The following PPFIA4 variants were observed in gnomAD, a reference collection of about 807,000 sequenced individuals.
PPFIA4 encodes PPFI scaffold protein A4.
A neutral mutation model predicts 145.7 loss-of-function variants in PPFIA4; 98 were observed. The ratio of observed to expected loss-of-function variants is 0.67; its 90% CI spans 0.57 to 0.80. The LOEUF (loss-of-function observed/expected upper bound fraction) is 0.80, where lower values mean the gene tolerates loss of function less well. PPFIA4 is among the 30% of genes least tolerant of loss of function. PPFIA4 has a pLI of 0.00. For synonymous variants in PPFIA4, 628 were observed against 649.6 expected (o/e 0.97, Z 0.51); for missense variants, 1,457 against 1,632.7 (o/e 0.89, Z 1.85).
chr1:203,045,901 G>C lies in PPFIA4; in HGVS notation c.919G>C (p.Ala307Pro). ...RITTLEKRYL[A>P]AQREATSIHD... ...TACTACACTGGAGAAGCGCTACCTG[G>C]CTGCTCAGCGTGAGGCAACATCCAT... is the stretch of plus-strand genomic sequence containing the variant. Residue 307 changes from alanine to proline, a missense_variant, in exon 8 of 30, where the codon GCT becomes CCT. Ala to Pro is a conservative substitution (Grantham distance 27, BLOSUM62 -1). Around this residue, in one of 3 missense-constraint regions of PPFIA4, gnomAD observed 463 missense variants for 459.8 expected, o/e 1.01. Coordinates refer to ENST00000295706, the MANE Select transcript of PPFIA4 (RefSeq NM_001304331.2). The C allele has an allele frequency of 6.2e-7, 1 of 1,612,826 alleles. No individual in the cohort carries two copies.
chr1:203,077,689 C>T lies in PPFIA4; in HGVS notation c.*1299C>T, dbSNP rs1467834611. Reference sequence around the variant, plus strand: ...CCATTTTCATTGCTTTCCCCAGCAGCATGATGGGAACCCAAGCTGAGGGAT... The same window carrying T: ...CCATTTTCATTGCTTTCCCCAGCAGTATGATGGGAACCCAAGCTGAGGGAT... On this transcript the variant is annotated 3_prime_UTR_variant, in exon 30 of 30. Transcript: ENST00000295706. 1 of 152,212 alleles carries T rather than the reference C, an allele frequency of 6.6e-6. No homozygotes were observed. Among genetic ancestry groups the T allele is most frequent in the East Asian group, 1.9e-4 (1 of 5,196 alleles). The allele number at this position is 152,212 out of a possible 1,614,324, so 9.4% of individuals were successfully genotyped here.
In PPFIA4 at chr1:203,045,308, G is replaced by T; in HGVS notation, c.667-60G>T. On this transcript the variant is annotated intron_variant, in intron 6 of 29. Coordinates refer to ENST00000295706, the MANE Select transcript of PPFIA4 (RefSeq NM_001304331.2). ...GTTCCTCCTTCCACCCCTGGGATAG[G>T]GGAGTGGGGTGGGTGGGATGCTGCT... 5 of 1,415,340 alleles carry T rather than the reference G, an allele frequency of 3.5e-6. No homozygotes were observed. In the South Asian group the frequency reaches 7.1e-5, roughly 20 times the overall value. 87.7% of individuals were successfully genotyped at this position (1,415,340 alleles called of 1,614,324 possible).
chr1:203,066,275 G>A (rs943983488), intron 25 of PPFIA4, among the ~76,000 whole-genome samples: 3 of 152,202 alleles, frequency 2.0e-5, no homozygotes, highest in African/African-American at 7.2e-5. Flanking sequence ...AGGGTGGCTT[G>A]GGCCAGAAAA....
chr1:203,071,437 C>CTGAGATTACAGGCGTGAGCCA (rs1553260988), intron 27 of PPFIA4, among the ~76,000 whole-genome samples: 5 of 151,834 alleles, frequency 3.3e-5, no homozygotes, highest in African/African-American at 4.8e-5. Context: ...TCCCAAAGTG[C>CTGAGATTACAGGCGTGAGCCA]CCGGCCACTA....
chr1:203,071,959 G>A (rs771107086), intron 28 of PPFIA4, among the ~76,000 whole-genome samples, 199 bp downstream of exon 28: 9 of 152,294 alleles, frequency 5.9e-5, no homozygotes, highest in Non-Finnish European at 1.0e-4. Context: ...GTAATAGGCT[G>A]TCGAGAAGTC....
rs761430730 is a variant in PPFIA4, at chr1:203,056,508, G to A, written c.2240G>A (p.Ser747Asn). The A allele has an allele frequency of 6.2e-7, 1 of 1,613,360 alleles. No homozygotes were observed. ...HPALSQEEGK[S>N]ALEDQGSNPS... The stretch of plus-strand genomic sequence containing the variant: ...GCCCTGAGCCAGGAAGAAGGCAAGA[G>A]GTAAGTAGAGCAGACCCCACCTCCA... The change falls in exon 18 of 30, where the codon AGT (serine) becomes AAT (asparagine). Residue 747 changes from serine to asparagine, a missense_variant and splice_region_variant. Physicochemically the swap from Ser to Asn is conservative, Grantham distance 46. Coordinates refer to ENST00000295706, the MANE Select transcript of PPFIA4 (RefSeq NM_001304331.2).
At chr1:203,067,508 G>A in intron 25 of PPFIA4, 187 bp from the exon 26 acceptor site, 1 of 592,984 alleles carries the variant, frequency 1.7e-6, no homozygotes, top group Non-Finnish European at 3.0e-6. Context: ...GTTAGACAGA[G>A]AAAGGGAGTA....
Position 203,044,698 on chromosome 1 carries a change from G to A in PPFIA4, c.579G>A (p.Val193=). The A allele has an allele frequency of 7.1e-6, 11 of 1,553,762 alleles. No homozygotes were observed. Among genetic ancestry groups the A allele is most frequent in the Non-Finnish European group, 9.6e-6 (11 of 1,148,826 alleles). The change falls in exon 6 of 30, where the codon GTG becomes GTA. Residue 193 remains valine (V), a splice_region_variant and synonymous_variant. Coordinates refer to ENST00000295706, the MANE Select transcript of PPFIA4 (RefSeq NM_001304331.2). ...GCCCTGGGGCTTGTGCCCTACAGGT[G>A]TCTGCCCTGCAGCAGGGGGCAGGGG... ...EEQLAGAHQQ[V]SALQQGAGVR...
intron 23 of PPFIA4, 60 bp downstream of exon 23, chr1:203,061,092 G>A: frequency 2.6e-6 from 4 of 1,510,328 alleles, no homozygotes; most frequent in Non-Finnish European, 1.8e-6. Flanking sequence ...ACTCCCATGA[G>A]GATGAGGGGA....
In PPFIA4 at chr1:203,046,396, G is replaced by A. The variant is rs1264922980; in HGVS notation, c.1140+14G>A. On this transcript the variant is annotated intron_variant, in intron 9 of 29. Transcript: ENST00000295706. ...GCCCTCACCAAGGCAAGTGGGCCAG[G>A]GGCCTGGGATCTGCCTCTGTCCCCC... 1 of 1,578,416 alleles carries A rather than the reference G, an allele frequency of 6.3e-7. No individual in the cohort carries two copies. The highest frequency in any genetic ancestry group is 8.6e-7 in the Non-Finnish European group (1 of 1,163,546).
chr1:203,042,365 A>G (rs1240901149), intron 2 of PPFIA4, among the ~76,000 whole-genome samples: 1 of 152,148 alleles, frequency 6.6e-6, no homozygotes, highest in Non-Finnish European at 1.5e-5. Context: ...TAGAAGTGAT[A>G]CTTGGTACAT....
intron 7 of PPFIA4, 27 bp from the exon 8 acceptor site, chr1:203,045,814 C>A (rs762951718): frequency 8.1e-6 from 13 of 1,612,530 alleles, no homozygotes; most frequent in Non-Finnish European, 1.1e-5. Flanking sequence ...GGCTGGTTAC[C>A]GTCCTTCTTG....
intron 1 of PPFIA4, chr1:203,035,708 T>G (rs539125515): frequency 2.2e-6 from 1 of 455,298 alleles, no homozygotes; most frequent in East Asian, 7.0e-5. Flanking sequence ...ATAATTGCGC[T>G]ATTTAAAGAC....
At position 203,049,768 on chromosome 1, in the gene PPFIA4, G is replaced by C; in HGVS notation, c.1511+1G>C. 6.4e-7 allele frequency: 1 copy of C among 1,565,752 alleles called. No homozygotes were observed. The highest frequency in any genetic ancestry group is 8.7e-7 in the Non-Finnish European group (1 of 1,155,648). ...CGTTTGTGGATGGCGTCCACTCCAG[G>C]TACTGCAGCGCCAGAGGCTGGGCAT... On this transcript the variant is annotated splice_donor_variant, in intron 13 of 29. Transcript: ENST00000295706. LOFTEE classifies it high-confidence loss of function.
At position 203,048,090 on chromosome 1, in the gene PPFIA4, A is replaced by G. The variant is rs1267627477; in HGVS notation, c.1141-137A>G. Reference sequence around the variant, plus strand: ...GGGATGGTGGTCCTGCTCCAAGATGATAAGTGGAGGCTGAGCGTCACTGGT... The same window carrying G: ...GGGATGGTGGTCCTGCTCCAAGATGGTAAGTGGAGGCTGAGCGTCACTGGT... On this transcript the variant is annotated intron_variant, in intron 9 of 29. Transcript: ENST00000295706. The surrounding 1 kb of genome is among the most constrained non-coding windows in gnomAD (Gnocchi z 5.8). The G allele has an allele frequency of 5.5e-6, 4 of 731,454 alleles. No individual in the cohort carries two copies. Among genetic ancestry groups the G allele is most frequent in the Non-Finnish European group, 9.4e-6 (4 of 425,454 alleles). 45.3% of individuals were successfully genotyped at this position (731,454 alleles called of 1,614,324 possible). A position where few individuals can be genotyped will look rare whatever the true frequency, so the allele number is the denominator to read the frequency against.
chr1:203,051,338 T>TC (rs1660489617), intron 13 of PPFIA4: 1 of 989,280 alleles, frequency 1.0e-6, no homozygotes, highest in African/African-American at 1.7e-5. Context: ...ACAAAGACCC[T>TC]CAGAGTGAAA....
chr1:203,068,574 C>G lies in PPFIA4; in HGVS notation c.3270C>G (p.Asn1090Lys). 1 of 1,596,988 alleles carries G rather than the reference C, an allele frequency of 6.3e-7. No individual in the cohort carries two copies. The part of the protein sequence containing the change: ...VHGALLALDE[N>K]FDHNTLALIL... The stretch of plus-strand genomic sequence containing the variant: ...GAGCCTTGCTGGCCCTGGACGAGAA[C>G]TTCGACCACAACACACTGGCCCTGA... The change falls in exon 27 of 30, where the codon AAC becomes AAG. Residue 1090 changes from asparagine to lysine, a missense_variant. Coordinates refer to ENST00000295706, the MANE Select transcript of PPFIA4 (RefSeq NM_001304331.2). This position sits in a 1 kb window ranked among gnomAD's most constrained non-coding sequence, Gnocchi z 4.7.
In PPFIA4 at chr1:203,075,636, G is replaced by GCACCACGGTCGCGGCGGCATGCT; in HGVS notation, c.3456_3478dup (p.Ser1160ThrfsTer76). The GCACCACGGTCGCGGCGGCATGCT allele has an allele frequency of 1.3e-6, 2 of 1,496,370 alleles. 1 individual carries two copies. Among genetic ancestry groups the GCACCACGGTCGCGGCGGCATGCT allele is most frequent in the Middle Eastern group, 3.6e-4 (2 of 5,600 alleles). 92.7% of individuals were successfully genotyped at this position (1,496,370 alleles called of 1,614,324 possible). A position where few individuals can be genotyped will look rare whatever the true frequency, so the allele number is the denominator to read the frequency against. ...GGAGGAAGCGCTTCCGGCCGCGGGA[G>GCACCACGGTCGCGGCGGCATGCT]CACCACGGTCGCGGCGGCATGCTCA... On this transcript the variant is annotated frameshift_variant, in exon 29 of 30. Coordinates refer to ENST00000295706, the MANE Select transcript of PPFIA4 (RefSeq NM_001304331.2). LOFTEE classifies it high-confidence loss of function. The surrounding 1 kb of genome is among the most constrained non-coding windows in gnomAD (Gnocchi z 4.1).
Position 203,032,430 on chromosome 1 carries a change from T to TTTTTTTTTTTGTTG in PPFIA4, c.-400+5803_-400+5804insTTTTTTTTGTTGTT, listed in dbSNP as rs57892403. 1.4e-3 allele frequency among the ~76,000 whole-genome samples: 196 copies of TTTTTTTTTTTGTTG among 139,434 alleles called. 2 individuals are homozygous for TTTTTTTTTTTGTTG. The East Asian group carries it at 0.025, about 18-fold the overall frequency. The allele number at this position is 139,434 out of a possible 152,430, so 91.5% of individuals were successfully genotyped here. A position where few individuals can be genotyped will look rare whatever the true frequency, so the allele number is the denominator to read the frequency against. On this transcript the variant is annotated intron_variant, in intron 1 of 29. Coordinates refer to ENST00000295706, the MANE Select transcript of PPFIA4 (RefSeq NM_001304331.2). The stretch of plus-strand genomic sequence containing the variant: ...CTTGTAGTTCTCCCTTCCCCGCTTT[T>TTTTTTTTTTTGTTG]TTGTTGTTGTTGTTGTTTTTGAAAT...
Sources: allele counts gnomAD v4.1 joint callset (sites outside exome capture counted in the v4.1 genomes callset), GRCh38; gene constraint gnomAD v4.1.1; regional missense constraint gnomAD v4.1.1; non-coding constraint Gnocchi (gnomAD v3.1); transcripts MANE v1.5; gene names NCBI Gene and HGNC (gene_info 2026-07-23, HGNC 2026-07-21).